HEATR1: variants seen among roughly 807,000 people sequenced by gnomAD.
HEATR1 encodes the protein HEAT repeat-containing protein 1.
HEATR1 carries 77 observed loss-of-function variants against 248.2 expected under a neutral mutation model. The observed-to-expected ratio is 0.31, with a 90% CI of 0.26 to 0.37. HEATR1 has a LOEUF of 0.37. Ranked by LOEUF, HEATR1 falls within the 10% of genes least tolerant of loss-of-function variation. The pLI is 1.00. For synonymous variants in HEATR1, 897 were observed against 923.1 expected (o/e 0.97, Z 0.51); for missense variants, 2,420 against 2,504.9 (o/e 0.97, Z 0.72).
chr1:236,592,672 G>T, intron 9 of HEATR1, 39 bp from the exon 10 acceptor site: 1 of 809,628 alleles, frequency 1.2e-6, no homozygotes, highest in African/African-American at 1.7e-5. Context: ...ATACATAAGA[G>T]TTACTATTTA....
chr1:236,573,219 C>T (rs1423377884), intron 24 of HEATR1, among the ~76,000 whole-genome samples: 1 of 152,166 alleles, frequency 6.6e-6, no homozygotes, highest in African/African-American at 2.4e-5. Context: ...CTCAATTTCA[C>T]GCTCATCCCT....
chr1:236,590,533 C>G (rs1192015441), intron 12 of HEATR1, among the ~76,000 whole-genome samples: 1 of 152,096 alleles, frequency 6.6e-6, no homozygotes, highest in Non-Finnish European at 1.5e-5. Flanking sequence ...GGCCCAAAAT[C>G]AAATTTCAAA....
In HEATR1 at chr1:236,581,358, A is replaced by G; in HGVS notation, c.2619T>C (p.Tyr873=). The change falls in exon 20 of 45, where the codon TAT becomes TAC. Residue 873 remains tyrosine, a synonymous_variant. Coordinates refer to ENST00000366582, the MANE Select transcript of HEATR1 (RefSeq NM_018072.6). ...TTAGTGGATTTGAAAGGCTAGAACC[A>G]TAGGTCCATAAAACAGAACAGAACT... ...LFKFCSVLWT[Y]GSSLSNPLNC... The G allele has an allele frequency of 2.5e-6, 4 of 1,603,362 alleles. No homozygotes were observed. Among genetic ancestry groups the G allele is most frequent in the Non-Finnish European group, 3.4e-6 (4 of 1,176,850 alleles).
chr1:236,597,833 G>A, intron 5 of HEATR1, 45 bp downstream of exon 5: 1 of 1,227,194 alleles, frequency 8.1e-7, no homozygotes. Flanking sequence ...TTCAAAGCAA[G>A]CAATCTTTTC....
chr1:236,550,375 A>T lies in HEATR1; in HGVS notation c.*527T>A, dbSNP rs976194633. On this transcript the variant is annotated 3_prime_UTR_variant, in exon 45 of 45. Transcript: ENST00000366582. ...AAGCATTCCAGAACCACTTCTCTTT[A>T]TGGGCACAACAAAGAAACGAAGGCT... The T allele has an allele frequency of 6.6e-6, 1 of 152,332 alleles. No homozygotes were observed. Among genetic ancestry groups the T allele is most frequent in the Admixed American group, 6.5e-5 (1 of 15,296 alleles). 9.4% of individuals were successfully genotyped at this position (152,332 alleles called of 1,614,324 possible).
At position 236,566,787 on chromosome 1, in the gene HEATR1, G is replaced by A. The variant is rs143307751; in HGVS notation, c.4167C>T (p.His1389=). ...IISVFVDALP[H]VPEHRRLPIL... Reference sequence around the variant, plus strand: ...TGGGCAGGCGCCTGTGCTCCGGGACGTGTGGCAGCGCATCCACAAATACAC... The same window carrying A: ...TGGGCAGGCGCCTGTGCTCCGGGACATGTGGCAGCGCATCCACAAATACAC... Residue 1389 remains histidine, a synonymous_variant, in exon 30 of 45, where the codon CAC becomes CAT. Coordinates refer to ENST00000366582, the MANE Select transcript of HEATR1 (RefSeq NM_018072.6). 347 of 1,614,094 alleles carry A rather than the reference G, an allele frequency of 2.1e-4. 2 individuals carry two copies. In the African/African-American group the frequency reaches 3.9e-3, roughly 18 times the overall value.
intron 20 of HEATR1, 71 bp from the exon 21 acceptor site, chr1:236,577,020 C>T (rs574955620): frequency 2.7e-5 from 32 of 1,180,052 alleles, no homozygotes; most frequent in Middle Eastern, 2.4e-4. Context: ...TTACATAGTA[C>T]CAAAGGTACT....
At chr1:236,589,769 CATA>C (rs770313803) in intron 12 of HEATR1, among the ~76,000 whole-genome samples, 7 of 152,276 alleles carry the variant, frequency 4.6e-5, no homozygotes, top group Admixed American at 1.3e-4. Context: ...AATCACGGTG[CATA>C]ATTTTAGATA....
At chr1:236,601,967 T>TAA (rs34239680) in intron 3 of HEATR1, among the ~76,000 whole-genome samples, 64 of 147,062 alleles carry the variant, frequency 4.4e-4, no homozygotes, top group African/African-American at 1.1e-3. Context: ...CCATCTTTAC[T>TAA]AAAAAAAAAA....
At chr1:236,589,316 T>C (rs772223152) in intron 12 of HEATR1, among the ~76,000 whole-genome samples, 1 of 152,204 alleles carries the variant, frequency 6.6e-6, no homozygotes, top group Non-Finnish European at 1.5e-5. Flanking sequence ...AATAAACCTA[T>C]TGGCAGTTTA....
chr1:236,559,602 A>T, intron 34 of HEATR1, 112 bp downstream of exon 34: 1 of 1,281,992 alleles, frequency 7.8e-7, no homozygotes, highest in South Asian at 1.6e-5. Context: ...TCTGAGCTTC[A>T]TTATATTCAT....
chr1:236,597,862 G>A lies in HEATR1; in HGVS notation c.603+16C>T. ...TCTTTTCATAAAATTATATACTCAT[G>A]AAACAGACTGCTCACCTTCACAGAT... On this transcript the variant is annotated intron_variant, in intron 5 of 44. Transcript: ENST00000366582. The A allele has an allele frequency of 1.9e-6, 3 of 1,546,788 alleles. No individual in the cohort carries two copies. The highest frequency in any genetic ancestry group is 2.7e-6 in the Non-Finnish European group (3 of 1,120,546).
intron 37 of HEATR1, among the ~76,000 whole-genome samples, chr1:236,556,647 G>A (rs140932334): frequency 8.5e-4 from 130 of 152,264 alleles, no homozygotes; most frequent in African/African-American, 2.9e-3. Flanking sequence ...TAAGTGAAGC[G>A]GTTTAATCAT....
In HEATR1 at chr1:236,568,907, A is replaced by C. The variant is rs1258586649; in HGVS notation, c.4077+89T>G. On this transcript the variant is annotated intron_variant, in intron 29 of 44. Coordinates refer to ENST00000366582, the MANE Select transcript of HEATR1 (RefSeq NM_018072.6). ...TATTAAAAAAAAAAAACAAAAAAAA[A>C]AAACTAAAAAAAAGGCTTTTAATGT... 1.2e-4 allele frequency: 115 copies of C among 960,810 alleles called. No individual in the cohort carries two copies. The Middle Eastern group carries it at 2.0e-3, about 17-fold the overall frequency. 59.5% of individuals were successfully genotyped at this position (960,810 alleles called of 1,614,324 possible).
chr1:236,570,385 C>A (rs940306098), intron 28 of HEATR1, among the ~76,000 whole-genome samples: 1 of 152,084 alleles, frequency 6.6e-6, no homozygotes, highest in Admixed American at 6.6e-5. Context: ...ATGACATGTC[C>A]AGCATAGGCA....
Position 236,571,658 on chromosome 1 carries a change from C to T in HEATR1, c.3736G>A (p.Gly1246Arg), listed in dbSNP as rs779154192. 3.1e-6 allele frequency: 5 copies of T among 1,613,742 alleles called. No individual in the cohort carries two copies. The South Asian group carries it at 5.5e-5, about 18-fold the overall frequency. ...RCLEPLPQEQ[G>R]NMEYTKQLIL... Reference sequence around the variant, plus strand: ...AATTGTTTGGTGTATTCCATATTTCCCTGCTCTTGTGGCAAGGGTTCTAAA... The same window carrying T: ...AATTGTTTGGTGTATTCCATATTTCTCTGCTCTTGTGGCAAGGGTTCTAAA... Residue 1246 changes from glycine to arginine, a missense_variant, in exon 27 of 45, where the codon GGA becomes AGA. Coordinates refer to ENST00000366582, the MANE Select transcript of HEATR1 (RefSeq NM_018072.6).
At chr1:236,568,257 C>A (rs1663326431) in intron 29 of HEATR1, among the ~76,000 whole-genome samples, 4 of 152,194 alleles carry the variant, frequency 2.6e-5, no homozygotes, top group Non-Finnish European at 1.5e-5. Flanking sequence ...TCGACTGGCA[C>A]TGATCATATG....
At chr1:236,565,347 G>A (rs1663242079) in intron 31 of HEATR1, among the ~76,000 whole-genome samples, 2 of 152,116 alleles carry the variant, frequency 1.3e-5, no homozygotes, top group Admixed American at 1.3e-4. Context: ...TTTAGAGATG[G>A]CGTCTTACTA....
At chr1:236,565,759 G>A (rs905546268) in intron 31 of HEATR1, among the ~76,000 whole-genome samples, 160 bp downstream of exon 31, 8 of 152,104 alleles carry the variant, frequency 5.3e-5, no homozygotes, top group African/African-American at 1.7e-4. Flanking sequence ...ATGGAATTCC[G>A]ACTATTTTCC....
Sources: gnomAD v4.1 joint callset for allele counts (sites outside exome capture counted in the v4.1 genomes callset) on GRCh38, gnomAD v4.1.1 for gene constraint, MANE v1.5 for transcripts, NCBI Gene and HGNC (gene_info 2026-07-23, HGNC 2026-07-21) for gene names.